The following CLYBL variants were observed in gnomAD, a reference collection of about 807,000 sequenced individuals.
CLYBL encodes citramalyl-CoA lyase.
A neutral mutation model predicts 38.9 loss-of-function variants in CLYBL; 31 were observed. The ratio of observed to expected loss-of-function variants is 0.80; its 90% CI spans 0.60 to 1.08. The LOEUF (loss-of-function observed/expected upper bound fraction) is 1.08, where lower values mean the gene tolerates loss of function less well. Among genes scored for constraint, CLYBL ranks in the 50% least tolerant of loss-of-function variants. The probability of loss-of-function intolerance (pLI) is 0.00; values close to 1 mark genes in which losing one functional copy is unlikely to be tolerated. For synonymous variants in CLYBL, 171 were observed against 158.6 expected, an observed-to-expected ratio of 1.08 and a Z score of -0.59; for missense variants, 434 against 411.6, an observed-to-expected ratio of 1.05 and a Z score of -0.47.
chr13:99,644,269 G>C (rs1405599088), intron 1 of CLYBL, among the ~76,000 whole-genome samples: 2 of 151,942 alleles, frequency 1.3e-5, no homozygotes, highest in Non-Finnish European at 2.9e-5. Flanking sequence ...ATGTATATAT[G>C]GTGTATGTAT....
intron 7 of CLYBL, among the ~76,000 whole-genome samples, chr13:99,890,709 C>T (rs2152131714): frequency 6.6e-6 from 1 of 152,250 alleles, no homozygotes; most frequent in Admixed American, 6.5e-5. Flanking sequence ...TTCAGGTGAT[C>T]CGCCCGCCCC....
intron 1 of CLYBL, among the ~76,000 whole-genome samples, chr13:99,695,458 T>C (rs945396466): frequency 2.0e-5 from 3 of 152,116 alleles, no homozygotes; most frequent in African/African-American, 7.2e-5. Flanking sequence ...AAGGGTTTGA[T>C]GTAGCGTAAT....
Position 99,773,393 on chromosome 13 carries a change from C to G in CLYBL, c.249+383C>G, listed in dbSNP as rs142868103. On this transcript the variant is annotated intron_variant, in intron 2 of 8. Transcript: ENST00000339105. ...AGGCCTGTTAGGAACTGGGCCAGAA[C>G]CCAGGAGATGAGCAGTGGGTGAACA... Among the ~76,000 whole-genome samples the G allele has an allele frequency of 3.0e-3, 460 of 152,252 alleles. 1 individual carries two copies. Among genetic ancestry groups the G allele is most frequent in the African/African-American group, 0.01 (417 of 41,540 alleles).
Position 99,865,172 on chromosome 13 carries a change from C to G in CLYBL, c.634+261C>G. On this transcript the variant is annotated intron_variant, in intron 5 of 8. Transcript: ENST00000339105. The surrounding 1 kb of genome is among the most constrained non-coding windows in gnomAD (Gnocchi z 4.7). ...GAGCAATAGAAAGCCTGTTGCAGCCCCAGGCATGCTCAGGAATATATGGCA... is the reference window on the plus strand; with the variant it reads ...GAGCAATAGAAAGCCTGTTGCAGCCGCAGGCATGCTCAGGAATATATGGCA... 2 of 447,758 alleles carry G rather than the reference C, an allele frequency of 4.5e-6. No homozygotes were observed. The highest frequency in any genetic ancestry group is 8.5e-6 in the Non-Finnish European group (2 of 235,220). 27.7% of individuals were successfully genotyped at this position (447,758 alleles called of 1,614,324 possible).
intron 1 of CLYBL, among the ~76,000 whole-genome samples, chr13:99,715,411 C>T (rs1198695254): frequency 1.3e-5 from 2 of 148,532 alleles, no homozygotes; most frequent in African/African-American, 2.5e-5. Flanking sequence ...TTTTCTTTTT[C>T]TTTTCTTTTT....
chr13:99,682,148 T>TC, intron 1 of CLYBL, among the ~76,000 whole-genome samples: 1 of 151,934 alleles, frequency 6.6e-6, no homozygotes. Context: ...TCTTTTCTTT[T>TC]CTTTTTTTTT....
rs142476581 is a variant in CLYBL at position 99,858,748 on chromosome 13, A to G, written c.250-113A>G. The G allele has an allele frequency of 1.2e-3, 831 of 682,200 alleles. 10 individuals are homozygous for G. Among genetic ancestry groups the G allele is most frequent in the Non-Finnish European group, 1.0e-4 (42 of 415,390 alleles). 42.3% of individuals were successfully genotyped at this position (682,200 alleles called of 1,614,324 possible). On this transcript the variant is annotated intron_variant, in intron 2 of 8. Coordinates refer to ENST00000339105, the MANE Select transcript of CLYBL (RefSeq NM_206808.5). ...TTTATTTGGTGGACAGGAAATGTGT[A>G]GATAGAATAATGGTGCTCAGACTCT...
intron 2 of CLYBL, among the ~76,000 whole-genome samples, chr13:99,773,581 G>T (rs371016063): frequency 2.6e-5 from 4 of 152,090 alleles, no homozygotes; most frequent in Admixed American, 2.0e-4. Flanking sequence ...AGTTTCATCC[G>T]AAACCATTGC....
intron 2 of CLYBL, among the ~76,000 whole-genome samples, chr13:99,811,798 T>C (rs1346126802): frequency 1.3e-5 from 2 of 152,190 alleles, no homozygotes; most frequent in Admixed American, 6.5e-5. Context: ...CCCTGGGGGC[T>C]ATTCCATTTT....
rs779035752 is a variant in CLYBL, at chr13:99,864,813, T to C, written c.541-5T>C. 1.1e-5 allele frequency: 17 copies of C among 1,609,398 alleles called. No individual in the cohort carries two copies. Among genetic ancestry groups the C allele is most frequent in the South Asian group, 4.4e-5 (4 of 90,996 alleles). ...GAGACTTAGTTCTGTTCTGCTCTTTTACAGGCAGTGTGTGAAGAAACCCTG... is the reference window on the plus strand; with the variant it reads ...GAGACTTAGTTCTGTTCTGCTCTTTCACAGGCAGTGTGTGAAGAAACCCTG... On this transcript the variant is annotated splice_polypyrimidine_tract_variant and splice_region_variant and intron_variant, in intron 4 of 8. Coordinates refer to ENST00000339105, the MANE Select transcript of CLYBL (RefSeq NM_206808.5).
At chr13:99,797,756 A>G (rs930184443) in intron 2 of CLYBL, among the ~76,000 whole-genome samples, 7 of 152,146 alleles carry the variant, frequency 4.6e-5, no homozygotes, top group African/African-American at 1.7e-4. Flanking sequence ...CATTATTACA[A>G]TAATAATTGG....
At chr13:99,658,614 G>A (rs751512075) in intron 1 of CLYBL, among the ~76,000 whole-genome samples, 1 of 152,186 alleles carries the variant, frequency 6.6e-6, no homozygotes, top group Non-Finnish European at 1.5e-5. Context: ...CACAGGCAGC[G>A]GGGCGGGGTG....
At chr13:99,813,266 T>C (rs1228944786) in intron 2 of CLYBL, among the ~76,000 whole-genome samples, 1 of 152,180 alleles carries the variant, frequency 6.6e-6, no homozygotes, top group Non-Finnish European at 1.5e-5. Flanking sequence ...AATGCAAACA[T>C]GAGTATCTAA....
chr13:99,794,126 G>A (rs1325472776), intron 2 of CLYBL, among the ~76,000 whole-genome samples: 1 of 152,120 alleles, frequency 6.6e-6, no homozygotes, highest in African/African-American at 2.4e-5. Flanking sequence ...TGTGACTAAC[G>A]AATCAAATAT....
At chr13:99,810,873 A>C (rs2050327647) in intron 2 of CLYBL, among the ~76,000 whole-genome samples, 2 of 152,154 alleles carry the variant, frequency 1.3e-5, no homozygotes, top group Non-Finnish European at 2.9e-5. Context: ...AAAAGGCAGA[A>C]GTGGGTTCTT....
chr13:99,692,429 C>T (rs1332914224), intron 1 of CLYBL, among the ~76,000 whole-genome samples: 2 of 152,088 alleles, frequency 1.3e-5, no homozygotes, highest in African/African-American at 4.8e-5. Context: ...GTAGCTGAGA[C>T]TACAGGCACC....
chr13:99,761,129 A>G (rs1378346899), intron 1 of CLYBL, among the ~76,000 whole-genome samples: 1 of 152,140 alleles, frequency 6.6e-6, no homozygotes, highest in Admixed American at 6.5e-5. Flanking sequence ...CGAGGCAGGC[A>G]GATCACGAGA....
At chr13:99,725,904 A>G (rs1430717317) in intron 1 of CLYBL, among the ~76,000 whole-genome samples, 4 of 152,196 alleles carry the variant, frequency 2.6e-5, no homozygotes, top group Non-Finnish European at 5.9e-5. Flanking sequence ...GCACATGCGC[A>G]CGAAGGCAAC....
chr13:99,836,236 G>C (rs900590305), intron 2 of CLYBL, among the ~76,000 whole-genome samples: 6 of 152,122 alleles, frequency 3.9e-5, no homozygotes, highest in African/African-American at 1.4e-4. Flanking sequence ...GGTTGGTGAG[G>C]CGAAGGAGGA....
Sources: allele counts gnomAD v4.1 joint callset (sites outside exome capture counted in the v4.1 genomes callset), GRCh38; gene constraint gnomAD v4.1.1; non-coding constraint Gnocchi (gnomAD v3.1); transcripts MANE v1.5; gene names NCBI Gene and HGNC (gene_info 2026-07-23, HGNC 2026-07-21).